RGS6: variants seen among roughly 807,000 people sequenced by gnomAD.
RGS6 encodes regulator of G-protein signaling 6.
A neutral mutation model predicts 78.5 loss-of-function variants in RGS6; 30 were observed. That is an observed-to-expected ratio of 0.38 (90% CI 0.29 to 0.52). The LOEUF is 0.52. Among genes scored for constraint, RGS6 ranks in the 20% least tolerant of loss-of-function variants. The probability of loss-of-function intolerance (pLI) is 0.85; values close to 1 mark genes in which losing one functional copy is unlikely to be tolerated. For synonymous variants in RGS6, 206 were observed against 206.0 expected (o/e 1.00, Z 0.00); for missense variants, 495 against 609.7 (o/e 0.81, Z 1.98).
chr14:72,541,551 A>G (rs970426759), intron 17 of RGS6: 1 of 1,535,670 alleles, frequency 6.5e-7, no homozygotes, highest in East Asian at 2.4e-5. Flanking sequence ...CCGCACACCA[A>G]GAAGCTGCCA....
At chr14:72,243,920 G>A (rs1391363418) in intron 2 of RGS6, among the ~76,000 whole-genome samples, 2 of 152,154 alleles carry the variant, frequency 1.3e-5, no homozygotes, top group African/African-American at 2.4e-5. Context: ...GACCAGAAAT[G>A]TTACTCTCCA....
chr14:71,907,354 G>A, the RGS6 span, among the ~76,000 whole-genome samples: 41 of 152,264 alleles, frequency 2.7e-4, no homozygotes, highest in South Asian at 7.7e-3. Context: ...TGAATGATGA[G>A]TAAGAATTAG....
chr14:72,434,679 T>C (rs1057509723), intron 3 of RGS6, among the ~76,000 whole-genome samples: 1 of 152,224 alleles, frequency 6.6e-6, no homozygotes, highest in Admixed American at 6.5e-5. Flanking sequence ...CTTGGCATTG[T>C]ATCCAGCAGT....
chr14:72,475,830 G>GCACACACACACACACGCACA (rs1555424342), intron 10 of RGS6, among the ~76,000 whole-genome samples: 1 of 145,606 alleles, frequency 6.9e-6, no homozygotes, highest in Admixed American at 6.8e-5. Context: ...AAAAATACAC[G>GCACACACACACACACGCACA]CACACACACA....
intron 2 of RGS6, among the ~76,000 whole-genome samples, chr14:72,055,674 C>T (rs1305081591): frequency 6.6e-6 from 1 of 152,040 alleles, no homozygotes; most frequent in African/African-American, 2.4e-5. Flanking sequence ...AAAAGCTTCC[C>T]AGGTGATTCT....
chr14:72,000,234 C>T (rs1733469992), intron 2 of RGS6, among the ~76,000 whole-genome samples: 1 of 152,172 alleles, frequency 6.6e-6, no homozygotes, highest in South Asian at 2.1e-4. Context: ...AATATCTTTA[C>T]ATGAGGATGC....
At chr14:72,205,307 T>A (rs909345586) in intron 2 of RGS6, among the ~76,000 whole-genome samples, 3 of 152,204 alleles carry the variant, frequency 2.0e-5, no homozygotes, top group Non-Finnish European at 4.4e-5. Context: ...AGTATCACTT[T>A]AATGTGTCCG....
chr14:72,140,011 A>G (rs2153610511), intron 2 of RGS6, among the ~76,000 whole-genome samples: 1 of 151,556 alleles, frequency 6.6e-6, no homozygotes, highest in Middle Eastern at 3.4e-3. Flanking sequence ...CCAAGTCTCT[A>G]CCTAGTAGAG....
the RGS6 span, among the ~76,000 whole-genome samples, chr14:71,881,391 T>C: frequency 6.6e-6 from 1 of 152,190 alleles, no homozygotes; most frequent in Non-Finnish European, 1.5e-5. Context: ...TGAAATGATA[T>C]GGTTTGGCTG....
At chr14:72,046,204 GTTT>G (rs200140046) in intron 2 of RGS6, among the ~76,000 whole-genome samples, 31 of 122,162 alleles carry the variant, frequency 2.5e-4, no homozygotes, top group Non-Finnish European at 3.7e-4. Flanking sequence ...TCATTGTTGG[GTTT>G]TTTTTTTTTT....
intron 2 of RGS6, among the ~76,000 whole-genome samples, chr14:72,236,879 C>A (rs943631914): frequency 3.3e-5 from 5 of 152,058 alleles, no homozygotes; most frequent in African/African-American, 7.2e-5. Context: ...AGATGGGCGG[C>A]GGCCGGGCAA....
intron 17 of RGS6, among the ~76,000 whole-genome samples, chr14:72,556,560 G>A (rs971413493): frequency 6.6e-6 from 1 of 152,070 alleles, no homozygotes; most frequent in African/African-American, 2.4e-5. Flanking sequence ...TGTGGGAATT[G>A]CTTTCAGAAG....
At chr14:71,942,339 C>A (rs1287473030) in intron 1 of RGS6, among the ~76,000 whole-genome samples, 1 of 152,090 alleles carries the variant, frequency 6.6e-6, no homozygotes, top group Non-Finnish European at 1.5e-5. Context: ...TTATTTTCTA[C>A]CACATACACA....
the RGS6 span, among the ~76,000 whole-genome samples, chr14:71,918,549 T>A: frequency 6.6e-6 from 1 of 152,212 alleles, no homozygotes; most frequent in East Asian, 1.9e-4. Context: ...GTTTACTTCA[T>A]TAATTGAGAG....
intron 2 of RGS6, among the ~76,000 whole-genome samples, chr14:72,099,075 A>G (rs1032851058): frequency 3.3e-5 from 5 of 152,192 alleles, no homozygotes; most frequent in African/African-American, 1.2e-4. Context: ...TTTACTATAT[A>G]TTAGTTACTG....
chr14:72,360,907 C>T (rs907746974), intron 3 of RGS6, among the ~76,000 whole-genome samples: 1 of 152,094 alleles, frequency 6.6e-6, no homozygotes, highest in Admixed American at 6.6e-5. Context: ...ATGCTATTCT[C>T]ATGATAGTGA....
At chr14:72,518,328 C>T in intron 14 of RGS6, 23 bp from the exon 15 acceptor site, 1 of 1,608,492 alleles carries the variant, frequency 6.2e-7, no homozygotes, top group Non-Finnish European at 8.5e-7. Context: ...CTGGAACTGA[C>T]TGTGTTTCTG....
rs2096582336 is a variant in RGS6, at chr14:72,144,544, C to T, written c.84+179669C>T. On this transcript the variant is annotated intron_variant, in intron 2 of 17. Transcript: ENST00000553525. Reference sequence around the variant, plus strand: ...CTTTTGAATGATTTAAAATGGCATTCTCCATTTATTCGTATTTATCGAAAA... The same window carrying T: ...CTTTTGAATGATTTAAAATGGCATTTTCCATTTATTCGTATTTATCGAAAA... Among the ~76,000 whole-genome samples the T allele has an allele frequency of 2.6e-5, 4 of 152,150 alleles. No individual in the cohort carries two copies. The South Asian group carries it at 8.3e-4, about 32-fold the overall frequency.
chr14:72,399,075 G>A (rs1390171275), intron 3 of RGS6, among the ~76,000 whole-genome samples: 1 of 151,038 alleles, frequency 6.6e-6, no homozygotes, highest in African/African-American at 2.5e-5. Flanking sequence ...GGTCCGCTTG[G>A]TGCAGACCTG....
Sources: gnomAD v4.1 joint callset for allele counts (sites outside exome capture counted in the v4.1 genomes callset) on GRCh38, gnomAD v4.1.1 for gene constraint, MANE v1.5 for transcripts, NCBI Gene and HGNC (gene_info 2026-07-23, HGNC 2026-07-21) for gene names.